The following ITGA1 variants were observed in gnomAD, a reference collection of about 807,000 sequenced individuals.
The protein encoded by ITGA1 is integrin alpha-1.
ITGA1 carries 85 observed loss-of-function variants against 145.9 expected under a neutral mutation model. The observed-to-expected ratio is 0.58, with a 90% CI of 0.49 to 0.70. ITGA1 has a LOEUF of 0.70. ITGA1 is among the 30% of genes least tolerant of loss of function. ITGA1 has a pLI of 0.00. For missense variants in ITGA1, 1,351 were observed against 1,418.7 expected, an observed-to-expected ratio of 0.95 and a Z score of 0.77; for synonymous variants, 520 against 495.3, an observed-to-expected ratio of 1.05 and a Z score of -0.66.
rs1333223836 is a variant in ITGA1 at position 52,922,757 on chromosome 5, T to C, written c.2293-20T>C. 6.8e-7 allele frequency: 1 copy of C among 1,468,264 alleles called. No homozygotes were observed. The highest frequency in any genetic ancestry group is 9.5e-7 in the Non-Finnish European group (1 of 1,049,202). The allele number at this position is 1,468,264 out of a possible 1,614,324, so 91.0% of individuals were successfully genotyped here. On this transcript the variant is annotated intron_variant, in intron 17 of 28. Coordinates refer to ENST00000282588, the MANE Select transcript of ITGA1 (RefSeq NM_181501.2). ...CGGTAAATATGATACCAGTGATATA[T>C]TTTATGTTTCACCCTCTAGGACAAG...
chr5:52,891,251 G>GT (rs1247320379), intron 8 of ITGA1, among the ~76,000 whole-genome samples: 30 of 110,422 alleles, frequency 2.7e-4, no homozygotes, highest in South Asian at 1.4e-3. Flanking sequence ...ACCCAGCAAT[G>GT]TTTTTTTTTT....
chr5:52,927,717 T>C, intron 20 of ITGA1, 53 bp downstream of exon 20: 1 of 1,119,594 alleles, frequency 8.9e-7, no homozygotes, highest in Non-Finnish European at 1.3e-6. Context: ...AAGTAATATG[T>C]GCAAAGACAA....
intron 1 of ITGA1, among the ~76,000 whole-genome samples, chr5:52,829,582 T>G (rs1013191491): frequency 2.0e-5 from 3 of 152,006 alleles, no homozygotes; most frequent in Admixed American, 6.6e-5. Flanking sequence ...GGGACTTATA[T>G]AAAAAAGACT....
At chr5:52,895,664 G>A (rs937861148) in intron 9 of ITGA1, among the ~76,000 whole-genome samples, 8 of 152,100 alleles carry the variant, frequency 5.3e-5, no homozygotes, top group Admixed American at 2.6e-4. Context: ...TCAATTGCCT[G>A]AAATGACATT....
intron 28 of ITGA1, 55 bp downstream of exon 28, chr5:52,947,516 G>T (rs1441488758): frequency 3.0e-6 from 3 of 999,200 alleles, no homozygotes; most frequent in East Asian, 4.8e-5. Flanking sequence ...GCAAACTGGA[G>T]AAATAAGCTC....
chr5:52,792,689 C>A (rs539601543), intron 1 of ITGA1, among the ~76,000 whole-genome samples: 2 of 152,212 alleles, frequency 1.3e-5, no homozygotes, highest in African/African-American at 4.8e-5. Flanking sequence ...AATAAAGTAG[C>A]TCATGTTTAA....
intron 15 of ITGA1, 78 bp from the exon 16 acceptor site, chr5:52,918,654 A>G: frequency 7.0e-7 from 1 of 1,418,810 alleles, no homozygotes; most frequent in South Asian, 1.4e-5. Flanking sequence ...TCTTCCATGC[A>G]CTCACTTTGC....
chr5:52,840,900 C>T (rs1206551840), intron 1 of ITGA1, among the ~76,000 whole-genome samples: 2 of 152,152 alleles, frequency 1.3e-5, no homozygotes, highest in Non-Finnish European at 2.9e-5. Flanking sequence ...AAGAACTATA[C>T]TTCCTTGCCT....
chr5:52,937,371 A>G (rs1159135240), intron 23 of ITGA1, 30 bp from the exon 24 acceptor site: 1 of 1,384,578 alleles, frequency 7.2e-7, no homozygotes, highest in South Asian at 1.2e-5. Flanking sequence ...AAAGAGGAAG[A>G]AAGATTACAT....
intron 1 of ITGA1, among the ~76,000 whole-genome samples, chr5:52,838,801 T>A (rs1457826524): frequency 2.0e-5 from 3 of 152,178 alleles, no homozygotes; most frequent in South Asian, 2.1e-4. Flanking sequence ...CCAGTCTAAA[T>A]AATCACAACA....
intron 2 of ITGA1, among the ~76,000 whole-genome samples, chr5:52,858,121 T>C (rs142340181): frequency 3.3e-5 from 5 of 152,360 alleles, no homozygotes; most frequent in African/African-American, 9.6e-5. Context: ...CATTTGACTC[T>C]AATTTTGTTC....
intron 21 of ITGA1, among the ~76,000 whole-genome samples, chr5:52,930,661 G>T (rs1299533218): frequency 1.3e-5 from 2 of 152,144 alleles, no homozygotes; most frequent in Non-Finnish European, 2.9e-5. Flanking sequence ...GAAAGACCTT[G>T]AAGGGTAGAT....
intron 14 of ITGA1, among the ~76,000 whole-genome samples, chr5:52,911,591 C>T (rs62651797): frequency 1.7e-5 from 1 of 58,582 alleles, no homozygotes; most frequent in Non-Finnish European, 3.7e-5. Flanking sequence ...TATAGTGTAT[C>T]TACTATATAT....
intron 14 of ITGA1, among the ~76,000 whole-genome samples, chr5:52,912,734 G>C (rs1323453777): frequency 7.3e-6 from 1 of 136,102 alleles, no homozygotes; most frequent in Non-Finnish European, 1.5e-5. Flanking sequence ...GTGTGTGTGT[G>C]TGTGTGTATA....
intron 1 of ITGA1, among the ~76,000 whole-genome samples, chr5:52,829,926 A>G (rs1030111334): frequency 2.0e-5 from 3 of 152,182 alleles, no homozygotes; most frequent in African/African-American, 7.2e-5. Context: ...TAAAAGGAAT[A>G]TTATGCTTAC....
chr5:52,835,335 C>T (rs542851613), intron 1 of ITGA1, among the ~76,000 whole-genome samples: 20 of 152,156 alleles, frequency 1.3e-4, no homozygotes, highest in African/African-American at 4.1e-4. Flanking sequence ...TAATATAAAG[C>T]GATACATCCT....
chr5:52,880,527 T>C (rs1264915378), intron 6 of ITGA1, among the ~76,000 whole-genome samples: 1 of 152,166 alleles, frequency 6.6e-6, no homozygotes, highest in African/African-American at 2.4e-5. Flanking sequence ...TAAACAGACA[T>C]GAAATTAAGA....
chr5:52,798,466 TC>T (rs1190064171), intron 1 of ITGA1, among the ~76,000 whole-genome samples: 1 of 152,108 alleles, frequency 6.6e-6, no homozygotes, highest in Non-Finnish European at 1.5e-5. Context: ...TTGAGACAAG[TC>T]TCAATCATTT....
chr5:52,919,272 C>A (rs528896365), intron 16 of ITGA1, among the ~76,000 whole-genome samples: 1 of 152,254 alleles, frequency 6.6e-6, no homozygotes, highest in African/African-American at 2.4e-5. Context: ...CATGACTCTT[C>A]TCTCCCTTCT....
Sources: allele counts gnomAD v4.1 joint callset (sites outside exome capture counted in the v4.1 genomes callset), GRCh38; gene constraint gnomAD v4.1.1; transcripts MANE v1.5; gene names NCBI Gene and HGNC (gene_info 2026-07-23, HGNC 2026-07-21).